The following PLCL2 variants were observed in gnomAD, a reference collection of about 807,000 sequenced individuals.
PLCL2 encodes the protein phospholipase C like 2, also known as inactive phospholipase C-like protein 2.
In PLCL2, 4 loss-of-function variants were observed where a neutral mutation model predicts 79.6. That is an observed-to-expected ratio of 0.05 (90% CI 0.02 to 0.11). The LOEUF (loss-of-function observed/expected upper bound fraction) is 0.11. Among genes scored for constraint, PLCL2 ranks in the 10% least tolerant of loss-of-function variants. PLCL2 has a pLI of 1.00. For synonymous variants in PLCL2, 484 were observed against 457.7 expected (o/e 1.06, Z -0.73); for missense variants, 895 against 1,291.0 (o/e 0.69, Z 4.70).
chr3:16,920,641 ATACT>A (rs1430740709), intron 1 of PLCL2, among the ~76,000 whole-genome samples: 10 of 152,188 alleles, frequency 6.6e-5, no homozygotes, highest in Admixed American at 3.9e-4. Context: ...TAGGGAGGGC[ATACT>A]TAAAGAATGC....
Position 17,002,712 on chromosome 3 carries a change from C to T in PLCL2, c.328-6962C>T, listed in dbSNP as rs191970320. Among the ~76,000 whole-genome samples, 6 of 152,222 alleles carry T rather than the reference C, an allele frequency of 3.9e-5. No individual in the cohort carries two copies. The East Asian group carries it at 5.8e-4, about 15-fold the overall frequency. Reference sequence around the variant, plus strand: ...CCTATTATCTCTCCTGTTTTTCCTACAGGGACTTTGTTTTCACGTATGTTA... The same window carrying T: ...CCTATTATCTCTCCTGTTTTTCCTATAGGGACTTTGTTTTCACGTATGTTA... On this transcript the variant is annotated intron_variant, in intron 1 of 5. Coordinates refer to ENST00000615277, the MANE Select transcript of PLCL2 (RefSeq NM_001144382.2).
chr3:17,001,189 G>A (rs60973313), intron 1 of PLCL2, among the ~76,000 whole-genome samples: 6 of 151,706 alleles, frequency 4.0e-5, no homozygotes, highest in South Asian at 2.1e-4. Context: ...TCATATACTT[G>A]TTGGCCATTT....
At chr3:17,060,579 G>A (rs1365774685) in intron 4 of PLCL2, among the ~76,000 whole-genome samples, 1 of 152,140 alleles carries the variant, frequency 6.6e-6, no homozygotes, top group Non-Finnish European at 1.5e-5. Flanking sequence ...TTGAGGCAGA[G>A]CATATAGTTT....
At chr3:16,929,542 G>C (rs891107962) in intron 1 of PLCL2, among the ~76,000 whole-genome samples, 1 of 152,144 alleles carries the variant, frequency 6.6e-6, no homozygotes, top group Admixed American at 6.5e-5. Flanking sequence ...TTGAACAGCA[G>C]CCATTGGCTC....
intron 1 of PLCL2, among the ~76,000 whole-genome samples, chr3:16,903,978 C>A (rs934306508): frequency 3.9e-5 from 6 of 152,142 alleles, no homozygotes; most frequent in African/African-American, 1.2e-4. Context: ...TGGAGACTAT[C>A]AAAAAAATTC....
At chr3:16,933,906 A>C (rs1444820501) in intron 1 of PLCL2, among the ~76,000 whole-genome samples, 1 of 152,080 alleles carries the variant, frequency 6.6e-6, no homozygotes, top group Non-Finnish European at 1.5e-5. Flanking sequence ...GTCTCTACTA[A>C]AAATACAGAA....
intron 5 of PLCL2, among the ~76,000 whole-genome samples, chr3:17,077,525 G>T (rs1317916031): frequency 6.6e-6 from 1 of 152,264 alleles, no homozygotes. Flanking sequence ...ATGTAGAATG[G>T]AAATTCTGTA....
In PLCL2 at chr3:16,966,649, C is replaced by CT. The variant is rs201838745; in HGVS notation, c.328-43016dup. On this transcript the variant is annotated intron_variant, in intron 1 of 5. Coordinates refer to ENST00000615277, the MANE Select transcript of PLCL2 (RefSeq NM_001144382.2). ...GGCCGTGAATCCTTCTGGTCCTGGA[C>CT]TTTTTTTTTGGTTAGTATGCTATTA... Among the ~76,000 whole-genome samples, 630 of 151,096 alleles carry CT rather than the reference C, an allele frequency of 4.2e-3. 4 individuals are homozygous for CT. The highest frequency in any genetic ancestry group is 0.014 in the African/African-American group (566 of 41,184).
rs1417236911 is a variant in PLCL2, at chr3:17,090,311, T to C, written c.*399T>C. On this transcript the variant is annotated 3_prime_UTR_variant, in exon 6 of 6. Coordinates refer to ENST00000615277, the MANE Select transcript of PLCL2 (RefSeq NM_001144382.2). The stretch of plus-strand genomic sequence containing the variant: ...AACCTGATCTACACATTTTTACTTA[T>C]ATGGGGTTGCCAGAGTCTCTGGGTT... 2.0e-5 allele frequency: 19 copies of C among 948,358 alleles called. No homozygotes were observed. The highest frequency in any genetic ancestry group is 2.3e-5 in the Non-Finnish European group (18 of 795,852). The allele number at this position is 948,358 out of a possible 1,614,324, so 58.7% of individuals were successfully genotyped here.
At chr3:16,968,292 T>G (rs75689878) in intron 1 of PLCL2, among the ~76,000 whole-genome samples, 3 of 152,158 alleles carry the variant, frequency 2.0e-5, no homozygotes, top group Non-Finnish European at 4.4e-5. Context: ...ATAGTTTTTT[T>G]CTAATTCTGA....
At chr3:16,977,521 C>T (rs936118965) in intron 1 of PLCL2, among the ~76,000 whole-genome samples, 4 of 152,196 alleles carry the variant, frequency 2.6e-5, no homozygotes, top group Non-Finnish European at 5.9e-5. Flanking sequence ...AGGTCCCCCA[C>T]TCTCTCTGAA....
intron 3 of PLCL2, among the ~76,000 whole-genome samples, chr3:17,028,743 A>C (rs575247427): frequency 4.6e-5 from 7 of 152,102 alleles, no homozygotes; most frequent in Non-Finnish European, 8.8e-5. Flanking sequence ...TCAGCCTCCC[A>C]AAGTGCTGGG....
chr3:17,051,462 A>C (rs1040335973), intron 4 of PLCL2, among the ~76,000 whole-genome samples: 35 of 152,224 alleles, frequency 2.3e-4, no homozygotes, highest in Non-Finnish European at 1.5e-5. Context: ...AATAAAAATA[A>C]AATTTAAAAA....
At chr3:16,961,336 A>G (rs2063752540) in intron 1 of PLCL2, among the ~76,000 whole-genome samples, 2 of 152,172 alleles carry the variant, frequency 1.3e-5, no homozygotes, top group African/African-American at 4.8e-5. Flanking sequence ...GTGAGCACCT[A>G]CTGTGTGTCA....
chr3:17,066,529 C>A (rs2065012753), intron 4 of PLCL2, among the ~76,000 whole-genome samples: 1 of 152,228 alleles, frequency 6.6e-6, no homozygotes, highest in African/African-American at 2.4e-5. Context: ...GAATGCCCAA[C>A]TGAAGAGTAA....
chr3:17,080,702 C>T (rs1195836821), intron 5 of PLCL2, among the ~76,000 whole-genome samples: 9 of 152,324 alleles, frequency 5.9e-5, no homozygotes, highest in Middle Eastern at 3.4e-3. Context: ...CCGCCCACCT[C>T]GGCCTCCCAA....
rs566208569 is a variant in PLCL2 at position 16,954,367 on chromosome 3, T to A, written c.328-55307T>A. Among the ~76,000 whole-genome samples the A allele has an allele frequency of 2.6e-5, 4 of 152,332 alleles. No individual in the cohort carries two copies. In the South Asian group the frequency reaches 8.3e-4, roughly 32 times the overall value. Reference sequence around the variant, plus strand: ...CAAAGGACATGCACTCATCATTTTTTATGGCTGCATAGTATTCCATGGTGT... The same window carrying A: ...CAAAGGACATGCACTCATCATTTTTAATGGCTGCATAGTATTCCATGGTGT... On this transcript the variant is annotated intron_variant, in intron 1 of 5. Transcript: ENST00000615277.
intron 1 of PLCL2, among the ~76,000 whole-genome samples, chr3:16,935,879 C>A (rs1402466421): frequency 1.3e-5 from 2 of 152,164 alleles, no homozygotes; most frequent in Non-Finnish European, 2.9e-5. Context: ...AGTTCAGGAT[C>A]CAGATTGTAA....
chr3:17,085,436 C>A (rs2065208440), intron 5 of PLCL2, among the ~76,000 whole-genome samples: 2 of 143,338 alleles, frequency 1.4e-5, no homozygotes, highest in Admixed American at 1.4e-4. Flanking sequence ...CAATTTATTT[C>A]TTTTTTTTTT....
Sources: allele counts gnomAD v4.1 joint callset (sites outside exome capture counted in the v4.1 genomes callset), GRCh38; gene constraint gnomAD v4.1.1; transcripts MANE v1.5; gene names NCBI Gene and HGNC (gene_info 2026-07-23, HGNC 2026-07-21).